TYW1: variants seen among roughly 807,000 people sequenced by gnomAD.
The protein encoded by TYW1 is S-adenosyl-L-methionine-dependent tRNA 4-demethylwyosine synthase TYW1.
TYW1 carries 46 observed loss-of-function variants against 96.2 expected under a neutral mutation model. The observed-to-expected ratio is 0.48, with a 90% CI of 0.38 to 0.61. TYW1 has a LOEUF of 0.61. Among genes scored for constraint, TYW1 ranks in the 20% least tolerant of loss-of-function variants. The pLI, the probability that TYW1 is intolerant of heterozygous loss-of-function variation, is 0.00. For synonymous variants in TYW1, 274 were observed against 323.0 expected (o/e 0.85, Z 1.63); for missense variants, 684 against 909.6 (o/e 0.75, Z 3.19).
At chr7:67,180,870 C>G (rs2116295809) in intron 13 of TYW1, among the ~76,000 whole-genome samples, 1 of 152,264 alleles carries the variant, frequency 6.6e-6, no homozygotes. Context: ...CCTCGAACTC[C>G]TGACCTCAAG....
chr7:67,002,880 G>T (rs1273155919), intron 3 of TYW1, among the ~76,000 whole-genome samples: 2 of 144,778 alleles, frequency 1.4e-5, no homozygotes, highest in Admixed American at 1.4e-4. Context: ...TTGAGACAGG[G>T]TCTTACTCTG....
chr7:67,182,481 T>C (rs1190835947), intron 13 of TYW1, among the ~76,000 whole-genome samples: 1 of 152,162 alleles, frequency 6.6e-6, no homozygotes, highest in African/African-American at 2.4e-5. Context: ...GGAGGATCAC[T>C]TGAGTCCAGG....
At chr7:67,141,586 C>A (rs1798449996) in intron 13 of TYW1, among the ~76,000 whole-genome samples, 1 of 152,212 alleles carries the variant, frequency 6.6e-6, no homozygotes. Flanking sequence ...GGGGGTCTTT[C>A]TACTCCTCAG....
chr7:67,037,030 T>TA (rs1190742532), intron 7 of TYW1, among the ~76,000 whole-genome samples: 1 of 152,204 alleles, frequency 6.6e-6, no homozygotes, highest in African/African-American at 2.4e-5. Context: ...GCCCAGTTTT[T>TA]ATTGAGCCTT....
intron 5 of TYW1, among the ~76,000 whole-genome samples, chr7:67,017,490 C>T (rs1205435976): frequency 6.6e-6 from 1 of 151,882 alleles, no homozygotes; most frequent in Non-Finnish European, 1.5e-5. Context: ...GCCCCATAGG[C>T]TTTGTTACAT....
intron 15 of TYW1, among the ~76,000 whole-genome samples, chr7:67,202,551 C>G (rs947560459): frequency 3.3e-5 from 5 of 152,086 alleles, no homozygotes; most frequent in African/African-American, 1.2e-4. Flanking sequence ...CATGAACCAC[C>G]ATGCCCAGCT....
In TYW1 at chr7:67,239,160, A is replaced by T. The variant is rs1330825413; in HGVS notation, c.*631A>T. On this transcript the variant is annotated 3_prime_UTR_variant, in exon 16 of 16. Coordinates refer to ENST00000359626, the MANE Select transcript of TYW1 (RefSeq NM_018264.4). ...CTAGATCTCATCCCATTCCCATGTA[A>T]ATTACCACAGACCGCAGTACCGGGG... is the stretch of plus-strand genomic sequence containing the variant. The T allele has an allele frequency of 6.1e-6, 6 of 985,708 alleles. No individual in the cohort carries two copies. Among genetic ancestry groups the T allele is most frequent in the Non-Finnish European group, 6.0e-6 (5 of 830,236 alleles). The allele number at this position is 985,708 out of a possible 1,614,324, so 61.1% of individuals were successfully genotyped here.
chr7:67,029,605 G>T lies in TYW1; in HGVS notation c.984+4583G>T, dbSNP rs13438213. On this transcript the variant is annotated intron_variant, in intron 7 of 15. Coordinates refer to ENST00000359626, the MANE Select transcript of TYW1 (RefSeq NM_018264.4). Reference sequence around the variant, plus strand: ...CCTATAGAAGACTGCCCTGACTTCAGATACCTGCTGGAAGTCTCACGGCTA... The same window carrying T: ...CCTATAGAAGACTGCCCTGACTTCATATACCTGCTGGAAGTCTCACGGCTA... Among the ~76,000 whole-genome samples, 179 of 151,966 alleles carry T rather than the reference G, an allele frequency of 1.2e-3. 2 individuals carry two copies. The highest frequency in any genetic ancestry group is 4.0e-3 in the African/African-American group (165 of 41,462).
chr7:67,110,461 G>A (rs942743810), intron 12 of TYW1, among the ~76,000 whole-genome samples: 25 of 152,248 alleles, frequency 1.6e-4, no homozygotes, highest in African/African-American at 6.0e-4. Context: ...CTTACCAGTT[G>A]GAAGCATTTA....
At chr7:67,157,632 T>C (rs554223427) in intron 13 of TYW1, among the ~76,000 whole-genome samples, 1 of 152,330 alleles carries the variant, frequency 6.6e-6, no homozygotes, top group Non-Finnish European at 1.5e-5. Flanking sequence ...TTTAGATTTC[T>C]TTAGGTTTGG....
chr7:67,140,218 T>C (rs1477980804), intron 13 of TYW1, among the ~76,000 whole-genome samples: 1 of 152,216 alleles, frequency 6.6e-6, no homozygotes, highest in Non-Finnish European at 1.5e-5. Flanking sequence ...CCCCACAACA[T>C]GTGGGAATTC....
intron 15 of TYW1, among the ~76,000 whole-genome samples, chr7:67,206,808 CT>C (rs921073354): frequency 7.2e-5 from 11 of 152,268 alleles, no homozygotes; most frequent in African/African-American, 2.6e-4. Flanking sequence ...CAACATCTTC[CT>C]TGTTTATGCC....
intron 9 of TYW1, among the ~76,000 whole-genome samples, chr7:67,058,030 G>T (rs963603533): frequency 2.6e-5 from 4 of 152,124 alleles, no homozygotes; most frequent in Admixed American, 1.3e-4. Context: ...TGCCTCCCGG[G>T]TTCACGCCAT....
intron 13 of TYW1, among the ~76,000 whole-genome samples, chr7:67,149,534 T>G (rs1234444780): frequency 6.6e-6 from 1 of 151,658 alleles, no homozygotes; most frequent in East Asian, 1.9e-4. Flanking sequence ...CCATTTATAT[T>G]CAGCCATTTG....
intron 13 of TYW1, among the ~76,000 whole-genome samples, chr7:67,169,704 C>T (rs527493078): frequency 5.2e-4 from 79 of 152,298 alleles, no homozygotes; most frequent in Non-Finnish European, 8.4e-4. Flanking sequence ...CAGCCTAGAA[C>T]TTCATCTTTT....
At chr7:67,122,574 A>G (rs1362060455) in intron 13 of TYW1, among the ~76,000 whole-genome samples, 1 of 152,224 alleles carries the variant, frequency 6.6e-6, no homozygotes, top group Admixed American at 6.5e-5. Flanking sequence ...CTTCTACTTA[A>G]TCCACTGGGG....
At chr7:67,074,160 G>A (rs1796134036) in intron 10 of TYW1, among the ~76,000 whole-genome samples, 1 of 152,164 alleles carries the variant, frequency 6.6e-6, no homozygotes, top group South Asian at 2.1e-4. Flanking sequence ...AATATTATAG[G>A]GTGAGCGCTT....
At chr7:67,229,916 C>T (rs181633346) in intron 15 of TYW1, among the ~76,000 whole-genome samples, 5 of 152,330 alleles carry the variant, frequency 3.3e-5, no homozygotes, top group Non-Finnish European at 7.3e-5. Flanking sequence ...TGCACCACTG[C>T]ACTCCAGTCT....
chr7:67,190,183 C>T (rs1349799574), intron 14 of TYW1, among the ~76,000 whole-genome samples: 1 of 152,204 alleles, frequency 6.6e-6, no homozygotes, highest in Non-Finnish European at 1.5e-5. Context: ...TCACTCTCTC[C>T]CACAAAGGTG....
Sources: allele counts gnomAD v4.1 joint callset (sites outside exome capture counted in the v4.1 genomes callset), GRCh38; gene constraint gnomAD v4.1.1; transcripts MANE v1.5; gene names NCBI Gene and HGNC (gene_info 2026-07-23, HGNC 2026-07-21).